Variants in ADGB observed in about 807,000 individuals in gnomAD.
ADGB encodes the protein calpain-7-like protein.
Under a neutral mutation model 210.5 loss-of-function variants are expected in ADGB, and 172 were observed. The observed-to-expected ratio is 0.82, with a 90% CI of 0.72 to 0.93. The LOEUF (loss-of-function observed/expected upper bound fraction) is 0.93. ADGB is among the 40% of genes least tolerant of loss of function. ADGB has a pLI of 0.00. For missense variants in ADGB, 2,025 were observed against 1,964.8 expected (o/e 1.03, Z -0.58); for synonymous variants, 658 against 662.7 (o/e 0.99, Z 0.11).
chr6:146,611,623 A>T (rs907066807), intron 1 of ADGB, among the ~76,000 whole-genome samples: 1 of 151,996 alleles, frequency 6.6e-6, no homozygotes, highest in Non-Finnish European at 1.5e-5. Context: ...CGGCAACCCT[A>T]TGTAGGGTCC....
At chr6:146,737,092 T>C (rs189653781) in intron 23 of ADGB, among the ~76,000 whole-genome samples, 1 of 151,824 alleles carries the variant, frequency 6.6e-6, no homozygotes, top group Admixed American at 6.5e-5. Flanking sequence ...CACCATACAT[T>C]ATGGAAAATA....
At chr6:146,723,796 T>A (rs568261046) in intron 17 of ADGB, among the ~76,000 whole-genome samples, 3 of 152,316 alleles carry the variant, frequency 2.0e-5, no homozygotes, top group African/African-American at 7.2e-5. Context: ...TTTTACACTA[T>A]TTTAGAGAAA....
Position 146,815,157 on chromosome 6 carries a change from G to A in ADGB, c.4944G>A (p.Glu1648=), listed in dbSNP as rs2114681191. The A allele has an allele frequency of 6.5e-7, 1 of 1,536,492 alleles. No homozygotes were observed. The highest frequency in any genetic ancestry group is 8.7e-7 in the Non-Finnish European group (1 of 1,143,802). ...LAAQEAAMKL[E]TEKMTPAPDT... ...CTCAGGAAGCAGCCATGAAGCTGGA[G>A]ACAGAAAAGATGACCCCAGCTCCTG... The change falls in exon 36 of 36, where the codon GAG becomes GAA. Residue 1648 remains glutamate, a synonymous_variant. Coordinates refer to ENST00000397944, the MANE Select transcript of ADGB (RefSeq NM_024694.4).
intron 12 of ADGB, among the ~76,000 whole-genome samples, chr6:146,694,506 T>C (rs1356950223): frequency 1.3e-5 from 2 of 152,192 alleles, no homozygotes; most frequent in Non-Finnish European, 2.9e-5. Context: ...GATCTCAACA[T>C]ATAAATTTGA....
chr6:146,683,911 A>G (rs1277098947), intron 9 of ADGB, among the ~76,000 whole-genome samples: 2 of 152,142 alleles, frequency 1.3e-5, no homozygotes, highest in Admixed American at 6.6e-5. Flanking sequence ...TTTCTAATGC[A>G]TAATGTACAA....
chr6:146,710,423 C>A (rs1471614292), intron 13 of ADGB, among the ~76,000 whole-genome samples: 1 of 151,892 alleles, frequency 6.6e-6, no homozygotes, highest in Non-Finnish European at 1.5e-5. Context: ...TATGATAATG[C>A]TTGTAAATGT....
intron 9 of ADGB, among the ~76,000 whole-genome samples, chr6:146,682,898 A>T (rs528061819): frequency 6.6e-6 from 1 of 152,070 alleles, no homozygotes; most frequent in South Asian, 2.1e-4. Flanking sequence ...AATCCTTTGT[A>T]GTCTTGGTTG....
At chr6:146,678,145 A>G (rs1421699190) in intron 9 of ADGB, among the ~76,000 whole-genome samples, 1 of 152,210 alleles carries the variant, frequency 6.6e-6, no homozygotes, top group East Asian at 1.9e-4. Context: ...GAGATAATGG[A>G]TAGACAGTAA....
At chr6:146,741,058 A>G in intron 24 of ADGB, 60 bp from the exon 25 acceptor site, 1 of 1,347,294 alleles carries the variant, frequency 7.4e-7, no homozygotes, top group South Asian at 2.0e-5. Flanking sequence ...CATTAATGCA[A>G]ATTTCAAACT....
intron 27 of ADGB, among the ~76,000 whole-genome samples, chr6:146,754,759 T>C (rs1777382985): frequency 6.6e-6 from 1 of 152,064 alleles, no homozygotes; most frequent in Non-Finnish European, 1.5e-5. Flanking sequence ...ACTTTGAGGA[T>C]TTGACTGGTG....
In ADGB at chr6:146,701,026, C is replaced by G; in HGVS notation, c.1663C>G (p.His555Asp). ...CAGTGAAACTGATGAAACTGCAACA[C>G]ATAGCCAGACAGACTTGAGTCAAAT... ...SVSETDETAT[H>D]SQTDLSQITK... The change falls in exon 13 of 36, where the codon CAT (histidine) becomes GAT (aspartate). Residue 555 changes from histidine (H) to aspartate (D), a missense_variant. By Grantham distance (81) the His-to-Asp change is moderately conservative (BLOSUM62 -1). Transcript: ENST00000397944. 1 of 1,550,958 alleles carries G rather than the reference C, an allele frequency of 6.4e-7. No individual in the cohort carries two copies.
intron 1 of ADGB, among the ~76,000 whole-genome samples, chr6:146,609,058 T>G (rs1780669409): frequency 6.6e-6 from 1 of 152,200 alleles, no homozygotes; most frequent in Admixed American, 6.5e-5. Context: ...TCCCCAGTTT[T>G]GGATGCATAT....
chr6:146,708,165 T>A (rs147979388), intron 13 of ADGB, among the ~76,000 whole-genome samples: 2,355 of 152,194 alleles, frequency 0.015, 67 homozygotes, highest in African/African-American at 0.053. Context: ...GTATATCCCT[T>A]GACAAATTAT....
At chr6:146,685,981 C>T (rs769773916) in intron 10 of ADGB, among the ~76,000 whole-genome samples, 153 bp downstream of exon 10, 1 of 151,852 alleles carries the variant, frequency 6.6e-6, no homozygotes, top group South Asian at 2.1e-4. Flanking sequence ...ATTAGATACT[C>T]GACCTAAGGC....
intron 13 of ADGB, among the ~76,000 whole-genome samples, chr6:146,709,498 T>A (rs1054954602): frequency 1.3e-5 from 2 of 152,138 alleles, no homozygotes; most frequent in East Asian, 3.9e-4. Context: ...GGCACTTGCG[T>A]CTGCAGGATT....
chr6:146,652,752 C>T (rs1374635367), intron 3 of ADGB, among the ~76,000 whole-genome samples: 1 of 151,992 alleles, frequency 6.6e-6, no homozygotes, highest in East Asian at 1.9e-4. Context: ...AATTTTAACA[C>T]TAACAAAATA....
chr6:146,803,353 G>A (rs1583647186), intron 35 of ADGB: 3 of 1,605,514 alleles, frequency 1.9e-6, no homozygotes, highest in Non-Finnish European at 1.7e-6. Flanking sequence ...AAATATGTTC[G>A]ACTGTCATGG....
chr6:146,663,847 A>T (rs1775901341), intron 5 of ADGB, among the ~76,000 whole-genome samples: 1 of 152,098 alleles, frequency 6.6e-6, no homozygotes, highest in African/African-American at 2.4e-5. Context: ...ATGTTAAGTT[A>T]TTTGATTATG....
Position 146,730,077 on chromosome 6 carries a change from A to G in ADGB, c.2520+1336A>G, listed in dbSNP as rs192332993. Among the ~76,000 whole-genome samples the G allele has an allele frequency of 2.1e-3, 318 of 152,306 alleles. 3 individuals carry two copies. The highest frequency in any genetic ancestry group is 1.4e-3 in the Non-Finnish European group (98 of 68,034). The stretch of plus-strand genomic sequence containing the variant: ...ATTCTATTTTGCGTGTAAACAAACC[A>G]TATGTGCAATATTTAGGACAGAAGT... On this transcript the variant is annotated intron_variant, in intron 20 of 35. Transcript: ENST00000397944.
Sources: allele counts gnomAD v4.1 joint callset (sites outside exome capture counted in the v4.1 genomes callset), GRCh38; gene constraint gnomAD v4.1.1; transcripts MANE v1.5; gene names NCBI Gene and HGNC (gene_info 2026-07-23, HGNC 2026-07-21).